The following NCKAP1 variants were observed in gnomAD, a reference collection of about 807,000 sequenced individuals.
NCKAP1 encodes nck-associated protein 1.
Under a neutral mutation model 151.2 loss-of-function variants are expected in NCKAP1, and 21 were observed. The ratio of observed to expected loss-of-function variants is 0.14; its 90% CI spans 0.10 to 0.20. The LOEUF (loss-of-function observed/expected upper bound fraction) is 0.20. Among genes scored for constraint, NCKAP1 ranks in the 10% least tolerant of loss-of-function variants. The pLI is 1.00. For missense variants in NCKAP1, 933 were observed against 1,352.1 expected, an observed-to-expected ratio of 0.69 and a Z score of 4.86; for synonymous variants, 484 against 451.8, an observed-to-expected ratio of 1.07 and a Z score of -0.90.
intron 27 of NCKAP1, among the ~76,000 whole-genome samples, chr2:182,930,066 TC>T (rs1696730278): frequency 6.6e-6 from 1 of 152,024 alleles, no homozygotes; most frequent in South Asian, 2.1e-4. Context: ...TGTAATCTCC[TC>T]CATCTTAAAA....
Position 183,003,019 on chromosome 2 carries a change from A to G in NCKAP1, c.324T>C (p.Cys108=), listed in dbSNP as rs903507622. ...VDVMEFKDHV[C]ELLNTIDVCQ... is the part of the protein sequence containing the mutation. Reference sequence around the variant, plus strand: ...AAACGTCAATAGTATTCAGCAATTCACAAACATGGTCCTGAAAAGAAATAC... The same window carrying G: ...AAACGTCAATAGTATTCAGCAATTCGCAAACATGGTCCTGAAAAGAAATAC... Residue 108 remains cysteine, a synonymous_variant, in exon 4 of 31, where the codon TGT becomes TGC. Transcript: ENST00000361354. 1.9e-6 allele frequency: 3 copies of G among 1,608,094 alleles called. No homozygotes were observed. Among genetic ancestry groups the G allele is most frequent in the Non-Finnish European group, 2.6e-6 (3 of 1,176,070 alleles).
chr2:182,988,515 T>C (rs1247356670), intron 9 of NCKAP1, among the ~76,000 whole-genome samples: 1 of 152,164 alleles, frequency 6.6e-6, no homozygotes, highest in Non-Finnish European at 1.5e-5. Flanking sequence ...TTTCAGATAA[T>C]TATTTGCTGA....
chr2:182,932,582 G>C (rs1041830168), intron 26 of NCKAP1, among the ~76,000 whole-genome samples: 4 of 151,886 alleles, frequency 2.6e-5, no homozygotes, highest in African/African-American at 7.3e-5. Context: ...CCACTGAATT[G>C]TGCATTTTAA....
At chr2:182,962,679 T>TA (rs1697480341) in intron 17 of NCKAP1, among the ~76,000 whole-genome samples, 2 of 152,162 alleles carry the variant, frequency 1.3e-5, no homozygotes, top group South Asian at 4.1e-4. Context: ...TCTGTGTCTC[T>TA]ATAAATGTAT....
rs1355871678 is a variant in NCKAP1, at chr2:182,922,692, T to A, written c.*3010A>T. ...GTTTCACCACTGCCTCCCCACATTA[T>A]CCTGTATACTTTCCAGTCACCATCA... On this transcript the variant is annotated 3_prime_UTR_variant, in exon 31 of 31. Coordinates refer to ENST00000361354, the MANE Select transcript of NCKAP1 (RefSeq NM_013436.5). 6.6e-6 allele frequency: 1 copy of A among 152,368 alleles called. No individual in the cohort carries two copies. Among genetic ancestry groups the A allele is most frequent in the East Asian group, 1.9e-4 (1 of 5,202 alleles). The allele number at this position is 152,368 out of a possible 1,614,324, so 9.4% of individuals were successfully genotyped here.
chr2:182,962,450 A>G (rs1285252741), intron 17 of NCKAP1, among the ~76,000 whole-genome samples, 172 bp from the exon 18 acceptor site: 8 of 152,088 alleles, frequency 5.3e-5, no homozygotes, highest in Admixed American at 5.2e-4. Context: ...ACCATACTGT[A>G]TTTGAACATA....
Position 182,952,788 on chromosome 2 carries a change from T to C in NCKAP1, c.2503+5A>G, listed in dbSNP as rs1697240551. On this transcript the variant is annotated splice_donor_5th_base_variant and intron_variant, in intron 22 of 30. Transcript: ENST00000361354. ...TTCTCTAAACTGTGGTATAGTACTA[T>C]TCACCTGATATGTCAGAATATTCCT... The C allele has an allele frequency of 8.1e-6, 13 of 1,599,332 alleles. No individual in the cohort carries two copies. In the South Asian group the frequency reaches 1.5e-4, roughly 18 times the overall value.
intron 6 of NCKAP1, among the ~76,000 whole-genome samples, chr2:182,997,286 T>C (rs2105870516): frequency 6.6e-6 from 1 of 152,338 alleles, no homozygotes; most frequent in South Asian, 2.1e-4. Context: ...TTATTTTCAT[T>C]GCAGGCTTTA....
At chr2:182,983,050 T>A in intron 11 of NCKAP1, 123 bp from the exon 12 acceptor site, 1 of 773,996 alleles carries the variant, frequency 1.3e-6, no homozygotes, top group Non-Finnish European at 2.1e-6. Flanking sequence ...GTGAAGAGAC[T>A]AACAGAAGAG....
intron 15 of NCKAP1, among the ~76,000 whole-genome samples, chr2:182,976,568 T>A (rs975923016): frequency 6.6e-6 from 1 of 152,218 alleles, no homozygotes; most frequent in African/African-American, 2.4e-5. Context: ...ATGCCCACAG[T>A]AGATTTTAAA....
At position 183,035,931 on chromosome 2, in the gene NCKAP1, G is replaced by A. The variant is rs186367464; in HGVS notation, c.108+2061C>T. On this transcript the variant is annotated intron_variant, in intron 1 of 30. Coordinates refer to ENST00000361354, the MANE Select transcript of NCKAP1 (RefSeq NM_013436.5). Reference sequence around the variant, plus strand: ...GTATTTCAAAAATTACACTGTCCCTGCCCAGAGAAAATTCACACTCAAGCA... The same window carrying A: ...GTATTTCAAAAATTACACTGTCCCTACCCAGAGAAAATTCACACTCAAGCA... Among the ~76,000 whole-genome samples, 16 of 152,212 alleles carry A rather than the reference G, an allele frequency of 1.1e-4. No homozygotes were observed. The East Asian group carries it at 2.9e-3, about 28-fold the overall frequency.
At chr2:182,958,426 G>A (rs1368013115) in intron 18 of NCKAP1, among the ~76,000 whole-genome samples, 2 of 152,296 alleles carry the variant, frequency 1.3e-5, no homozygotes, top group Non-Finnish European at 2.9e-5. Flanking sequence ...TTACAAGCGT[G>A]AGCCACCATG....
intron 2 of NCKAP1, among the ~76,000 whole-genome samples, chr2:183,004,884 C>CAAA (rs71008253): frequency 5.1e-5 from 7 of 136,404 alleles, no homozygotes; most frequent in Admixed American, 1.5e-4. Flanking sequence ...GACTCCATCT[C>CAAA]AAAAAAAAAA....
intron 7 of NCKAP1, among the ~76,000 whole-genome samples, chr2:182,995,106 C>T (rs950744074): frequency 6.6e-6 from 1 of 152,166 alleles, no homozygotes; most frequent in Non-Finnish European, 1.5e-5. Context: ...TCTGCATACC[C>T]TCAAACCTCT....
intron 24 of NCKAP1, among the ~76,000 whole-genome samples, chr2:182,935,808 A>T (rs1215731673): frequency 6.6e-6 from 1 of 152,184 alleles, no homozygotes; most frequent in African/African-American, 2.4e-5. Flanking sequence ...CCAGGAACTC[A>T]GCAGTGCTAA....
intron 4 of NCKAP1, among the ~76,000 whole-genome samples, 191 bp downstream of exon 4, chr2:183,002,783 A>G (rs1450778465): frequency 6.6e-6 from 1 of 152,110 alleles, no homozygotes; most frequent in Non-Finnish European, 1.5e-5. Context: ...TACAAGACTT[A>G]TACTCAGTGA....
chr2:183,000,704 T>C (rs954185496), intron 6 of NCKAP1, among the ~76,000 whole-genome samples: 3 of 152,220 alleles, frequency 2.0e-5, no homozygotes, highest in African/African-American at 7.2e-5. Flanking sequence ...AATTTGTGTA[T>C]AATGTAGCTA....
At chr2:183,002,641 G>A (rs1197461406) in intron 4 of NCKAP1, among the ~76,000 whole-genome samples, 5 of 150,376 alleles carry the variant, frequency 3.3e-5, no homozygotes, top group African/African-American at 1.2e-4. Context: ...TTGACTTCTT[G>A]TATCTAAAAA....
Position 182,920,067 on chromosome 2 carries a change from A to T in NCKAP1, c.*5635T>A, listed in dbSNP as rs1696526127. 1 of 152,374 alleles carries T rather than the reference A, an allele frequency of 6.6e-6. No homozygotes were observed. Among genetic ancestry groups the T allele is most frequent in the Non-Finnish European group, 1.5e-5 (1 of 68,202 alleles). The allele number at this position is 152,374 out of a possible 1,614,324, so 9.4% of individuals were successfully genotyped here. A position where few individuals can be genotyped will look rare whatever the true frequency, so the allele number is the denominator to read the frequency against. On this transcript the variant is annotated 3_prime_UTR_variant, in exon 31 of 31. Coordinates refer to ENST00000361354, the MANE Select transcript of NCKAP1 (RefSeq NM_013436.5). ...TGCCGCCAACCCTCCCCTTGGGCTC[A>T]AGCAATCCTGCCACCTCAGCTTCTC...
Sources: allele counts gnomAD v4.1 joint callset (sites outside exome capture counted in the v4.1 genomes callset), GRCh38; gene constraint gnomAD v4.1.1; transcripts MANE v1.5; gene names NCBI Gene and HGNC (gene_info 2026-07-23, HGNC 2026-07-21).